The following LMNTD1 variants were observed in gnomAD, a reference collection of about 807,000 sequenced individuals.
LMNTD1 encodes the protein lamin tail domain-containing protein 1.
In LMNTD1, 35 loss-of-function variants were observed where a neutral mutation model predicts 50.9. The observed-to-expected ratio is 0.69, with a 90% CI of 0.53 to 0.91. The LOEUF is 0.91. LMNTD1 is among the 40% of genes least tolerant of loss of function. LMNTD1 has a pLI of 0.00. For synonymous variants in LMNTD1, 153 were observed against 161.9 expected (o/e 0.94, Z 0.42); for missense variants, 470 against 475.5 (o/e 0.99, Z 0.11).
intron 4 of LMNTD1, among the ~76,000 whole-genome samples, chr12:25,536,175 G>T (rs1212900410): frequency 6.6e-6 from 1 of 152,128 alleles, no homozygotes; most frequent in East Asian, 1.9e-4. Flanking sequence ...GATACAACAA[G>T]TAGACAAAAA....
rs190049812 is a variant in LMNTD1 at position 25,507,130 on chromosome 12, C to T, written c.1190-3330G>A. Among the ~76,000 whole-genome samples, 4 of 152,270 alleles carry T rather than the reference C, an allele frequency of 2.6e-5. No homozygotes were observed. The East Asian group carries it at 7.7e-4, about 29-fold the overall frequency. On this transcript the variant is annotated intron_variant, in intron 8 of 9. Transcript: ENST00000458174. ...ACCTTAAGTGATGCACCCACCTCGG[C>T]CTCCCAAAGTGCTGGGATTACAGGT...
At chr12:25,544,191 C>T (rs1943280721) in intron 4 of LMNTD1, among the ~76,000 whole-genome samples, 2 of 151,838 alleles carry the variant, frequency 1.3e-5, no homozygotes, top group African/African-American at 2.4e-5. Flanking sequence ...TACTACTGTA[C>T]TGCAGTCTAT....
chr12:25,485,023 A>G (rs1413725290), intron 9 of LMNTD1, among the ~76,000 whole-genome samples: 1 of 151,996 alleles, frequency 6.6e-6, no homozygotes, highest in African/African-American at 2.4e-5. Flanking sequence ...TATACCCAGT[A>G]ATGGGATGCC....
chr12:25,512,120 G>C (rs1940346616), intron 8 of LMNTD1, among the ~76,000 whole-genome samples: 1 of 152,204 alleles, frequency 6.6e-6, no homozygotes, highest in Non-Finnish European at 1.5e-5. Context: ...AAATAAAAGA[G>C]TAGGAAATAT....
At chr12:25,504,993 T>C (rs1261373885) in intron 8 of LMNTD1, among the ~76,000 whole-genome samples, 1 of 152,242 alleles carries the variant, frequency 6.6e-6, no homozygotes, top group East Asian at 1.9e-4. Flanking sequence ...ATGTATGTCC[T>C]TCCAGACTGA....
At chr12:25,591,838 A>AGAGAGG (rs1945707360) in intron 1 of LMNTD1, among the ~76,000 whole-genome samples, 1 of 140,758 alleles carries the variant, frequency 7.1e-6, no homozygotes, top group Non-Finnish European at 1.5e-5. Context: ...AGAGAGAGAG[A>AGAGAGG]GAGAGAGAGA....
intron 1 of LMNTD1, among the ~76,000 whole-genome samples, chr12:25,624,854 C>T (rs2357): frequency 0.64 from 97,022 of 152,110 alleles, 31,225 homozygotes; most frequent in Non-Finnish European, 0.68. Flanking sequence ...GTTATCCTCC[C>T]TCTAAAGGCA....
At chr12:25,548,774 T>C (rs144878047) in intron 3 of LMNTD1, among the ~76,000 whole-genome samples, 2 of 152,088 alleles carry the variant, frequency 1.3e-5, no homozygotes, top group African/African-American at 2.4e-5. Flanking sequence ...TTGTTGATAA[T>C]AGTCAAAACT....
chr12:25,545,717 G>A (rs552881509), intron 4 of LMNTD1, among the ~76,000 whole-genome samples: 17 of 151,680 alleles, frequency 1.1e-4, no homozygotes, highest in Admixed American at 3.9e-4. Flanking sequence ...AATTGTAATA[G>A]GGCATGGGTG....
At position 25,535,794 on chromosome 12, in the gene LMNTD1, C is replaced by A. The variant is rs7315259; in HGVS notation, c.492-8839G>T. On this transcript the variant is annotated intron_variant, in intron 4 of 9. Transcript: ENST00000458174. ...AAAAGACAGAGATTTTTCAGATTGGCTAAAAGAGCAAGTCTCAACTATATG... is the reference window on the plus strand; with the variant it reads ...AAAAGACAGAGATTTTTCAGATTGGATAAAAGAGCAAGTCTCAACTATATG... Among the ~76,000 whole-genome samples, 1,063 of 152,106 alleles carry A rather than the reference C, an allele frequency of 7.0e-3. 5 individuals are homozygous for A. Among genetic ancestry groups the A allele is most frequent in the South Asian group, 0.02 (95 of 4,822 alleles).
chr12:25,584,011 C>T (rs987182510), intron 1 of LMNTD1, among the ~76,000 whole-genome samples: 1 of 152,150 alleles, frequency 6.6e-6, no homozygotes, highest in Non-Finnish European at 1.5e-5. Context: ...GAGCCTATGG[C>T]ACCAACCTCC....
chr12:25,588,297 G>A (rs1036790784), intron 1 of LMNTD1, among the ~76,000 whole-genome samples: 3 of 152,124 alleles, frequency 2.0e-5, no homozygotes, highest in Admixed American at 1.3e-4. Flanking sequence ...AATGGGAGAC[G>A]TAAGTGGAAT....
intron 4 of LMNTD1, among the ~76,000 whole-genome samples, chr12:25,539,819 G>C (rs1185976108): frequency 7.1e-6 from 1 of 140,590 alleles, no homozygotes; most frequent in Non-Finnish European, 1.6e-5. Context: ...AAAATTGATA[G>C]ACCGCTAGCA....
chr12:25,592,074 G>A (rs971933115), intron 1 of LMNTD1, among the ~76,000 whole-genome samples: 2 of 152,132 alleles, frequency 1.3e-5, no homozygotes, highest in Non-Finnish European at 1.5e-5. Flanking sequence ...TCCCAAGAAG[G>A]ACAGGTACAA....
intron 6 of LMNTD1, among the ~76,000 whole-genome samples, chr12:25,522,353 G>A (rs1941379392): frequency 6.6e-6 from 1 of 152,078 alleles, no homozygotes; most frequent in African/African-American, 2.4e-5. Context: ...ATTTTCCCCT[G>A]TATTGTAGGA....
At chr12:25,575,626 T>A (rs1446391395) in intron 1 of LMNTD1, among the ~76,000 whole-genome samples, 1 of 152,158 alleles carries the variant, frequency 6.6e-6, no homozygotes, top group Non-Finnish European at 1.5e-5. Context: ...TTCTTTGACA[T>A]TTTAACCAGG....
In LMNTD1 at chr12:25,618,312, A is replaced by G. The variant is rs1003849597; in HGVS notation, c.58+30182T>C. On this transcript the variant is annotated intron_variant, in intron 1 of 7. Coordinates refer to the LMNTD1 transcript ENST00000445693. ...CTGATTTAATTGCTCTTGATTGGAG[A>G]GCAGGCATCAATCTTCTTAGAATCA... is the stretch of plus-strand genomic sequence containing the variant. 2.0e-5 allele frequency among the ~76,000 whole-genome samples: 3 copies of G among 152,062 alleles called. No individual in the cohort carries two copies. In the South Asian group the frequency reaches 6.2e-4, roughly 32 times the overall value.
intron 1 of LMNTD1, among the ~76,000 whole-genome samples, chr12:25,645,705 C>T (rs530443328): frequency 1.3e-5 from 2 of 152,338 alleles, no homozygotes; most frequent in South Asian, 4.1e-4. Context: ...CCAGCCGTGA[C>T]ATGTAGCAGC....
At chr12:25,619,252 C>CTATATATATATATATATATATATATA (rs71450756) in intron 1 of LMNTD1, among the ~76,000 whole-genome samples, 1 of 84,442 alleles carries the variant, frequency 1.2e-5, no homozygotes, top group Non-Finnish European at 2.3e-5. Context: ...CTCTCTCTCT[C>CTATATATATATATATATATATATATA]TATATATATA....
Sources: allele counts gnomAD v4.1 joint callset (sites outside exome capture counted in the v4.1 genomes callset), GRCh38; gene constraint gnomAD v4.1.1; transcripts MANE v1.5; gene names NCBI Gene and HGNC (gene_info 2026-07-23, HGNC 2026-07-21).